ALDOA: variants seen among roughly 807,000 people sequenced by gnomAD.
The protein encoded by ALDOA is aldolase, fructose-bisphosphate A, also known as fructose-bisphosphate aldolase A.
Under a neutral mutation model 43.9 loss-of-function variants are expected in ALDOA, and 26 were observed. The observed-to-expected ratio is 0.59, with a 90% confidence interval of 0.43 to 0.82. The LOEUF is 0.82. ALDOA is among the 40% of genes least tolerant of loss of function. The pLI, the probability that ALDOA is intolerant of heterozygous loss-of-function variation, is 0.00. For synonymous variants in ALDOA, 258 were observed against 222.6 expected, an observed-to-expected ratio of 1.16 and a Z score of -1.42; for missense variants, 498 against 549.5, an observed-to-expected ratio of 0.91 and a Z score of 0.94.
At chr16:30,067,928 A>G in intron 4 of ALDOA, 1 of 532,986 alleles carries the variant, frequency 1.9e-6, no homozygotes, top group South Asian at 2.1e-5. Flanking sequence ...CTGACACCCA[A>G]TTCACTCAAC....
At chr16:30,069,220 T>TA (rs1403080190) in intron 6 of ALDOA, 86 bp from the exon 7 acceptor site, 52 of 1,482,724 alleles carry the variant, frequency 3.5e-5, no homozygotes, top group Non-Finnish European at 4.0e-5. Context: ...ATCATCAAGA[T>TA]ACGGTCTTGA....
Position 30,067,372 on chromosome 16 carries a change from G to A in ALDOA, c.274+6G>A, listed in dbSNP as rs2072153151. The stretch of plus-strand genomic sequence containing the variant: ...GGCTGCAGATGAGTCCACTGGTGCG[G>A]GCAGGAGACAGAATGGGTGGAGGGT... On this transcript the variant is annotated splice_donor_region_variant and intron_variant, in intron 3 of 9. Transcript: ENST00000642816. The A allele has an allele frequency of 6.2e-7, 1 of 1,614,072 alleles. No individual in the cohort carries two copies. The highest frequency in any genetic ancestry group is 8.5e-7 in the Non-Finnish European group (1 of 1,180,032).
chr16:30,068,477 G>A lies in ALDOA; in HGVS notation c.487-169G>A, dbSNP rs571695427. 8 of 741,976 alleles carry A rather than the reference G, an allele frequency of 1.1e-5. No homozygotes were observed. In the East Asian group the frequency reaches 1.9e-4, roughly 18 times the overall value. 46.0% of individuals were successfully genotyped at this position (741,976 alleles called of 1,614,324 possible). On this transcript the variant is annotated intron_variant, in intron 4 of 9. Coordinates refer to ENST00000642816, the MANE Select transcript of ALDOA (RefSeq NM_001243177.4). Reference sequence around the variant, plus strand: ...GACTGGGGCTAAAGAAGAGGAAAGAGGGGCACGCCCAGCTACCTAGGAGGC... The same window carrying A: ...GACTGGGGCTAAAGAAGAGGAAAGAAGGGCACGCCCAGCTACCTAGGAGGC...
intron 6 of ALDOA, 118 bp from the exon 7 acceptor site, chr16:30,069,188 C>A: frequency 7.3e-7 from 1 of 1,370,462 alleles, no homozygotes; most frequent in Non-Finnish European, 1.0e-6. Context: ...AATCTGAGGG[C>A]TTTGAAGCCT....
rs1475655371 is a variant in ALDOA at position 30,068,914 on chromosome 16, C to T, written c.638C>T (p.Pro213Leu). Residue 213 changes from proline to leucine, a missense_variant, in exon 6 of 10, where the codon CCC becomes CTC. Coordinates refer to ENST00000642816, the MANE Select transcript of ALDOA (RefSeq NM_001243177.4). ...RCVLKIGEHT[P>L]SALAIMENAN... ...GTGCTGAAGATTGGGGAACACACCC[C>T]CTCAGCCCTCGCCATCATGGAAAAT... 3.7e-6 allele frequency: 6 copies of T among 1,614,246 alleles called. No individual in the cohort carries two copies. The highest frequency in any genetic ancestry group is 5.1e-6 in the Non-Finnish European group (6 of 1,180,044).
At chr16:30,069,184 A>C in intron 6 of ALDOA, 122 bp from the exon 7 acceptor site, 1 of 1,358,856 alleles carries the variant, frequency 7.4e-7, no homozygotes, top group Non-Finnish European at 1.0e-6. Flanking sequence ...CTGTAATCTG[A>C]GGGCTTTGAA....
chr16:30,067,013 C>G lies in ALDOA; in HGVS notation c.116C>G (p.Thr39Ser). ...SGQLHPQLGN[T>S]QHQTELGKEL... ...CAACTCCACCCTCAGCTGGGCAACA[C>G]CCAGCACCAGACAGAGTTAGGAAAG... Residue 39 changes from threonine to serine, a missense_variant, in exon 2 of 10, where the codon ACC (threonine) becomes AGC (serine). By Grantham distance (58) the Thr-to-Ser change is moderately conservative (BLOSUM62 1). Transcript: ENST00000642816. The G allele has an allele frequency of 6.4e-7, 1 of 1,572,346 alleles. No individual in the cohort carries two copies. Among genetic ancestry groups the G allele is most frequent in the Non-Finnish European group, 8.6e-7 (1 of 1,159,804 alleles).
chr16:30,065,808 C>T lies in ALDOA; in HGVS notation c.-133C>T, dbSNP rs555731850. On this transcript the variant is annotated 5_prime_UTR_variant, in exon 1 of 10. Coordinates refer to ENST00000642816, the MANE Select transcript of ALDOA (RefSeq NM_001243177.4). ...CCGAGGCTAAATCGGCTGCGTTCCT[C>T]TCGGAACGCGCCGCAGAAGGGGTCC... The T allele has an allele frequency of 3.3e-5, 5 of 152,910 alleles. No homozygotes were observed. Among genetic ancestry groups the T allele is most frequent in the East Asian group, 3.9e-4 (2 of 5,170 alleles). The allele number at this position is 152,910 out of a possible 1,614,324, so 9.5% of individuals were successfully genotyped here.
chr16:30,068,587 TGGAAAGG>T, intron 4 of ALDOA, 52 bp from the exon 5 acceptor site: 1 of 1,583,554 alleles, frequency 6.3e-7, no homozygotes, highest in South Asian at 1.1e-5. Context: ...GGGGCGACAG[TGGAAAGG>T]GTGCTAGAGG....
At position 30,069,823 on chromosome 16, in the gene ALDOA, T is replaced by G. The variant is rs768071615; in HGVS notation, c.962-7T>G. ...ACAGCCCCTCTCGCCTCACCCCTGC[T>G]CTACAGGGATCACCTTCCTGTCTGG... On this transcript the variant is annotated splice_region_variant and splice_polypyrimidine_tract_variant and intron_variant, in intron 8 of 9. Transcript: ENST00000642816. 2 of 1,614,002 alleles carry G rather than the reference T, an allele frequency of 1.2e-6. No individual in the cohort carries two copies. The highest frequency in any genetic ancestry group is 1.7e-6 in the Non-Finnish European group (2 of 1,179,952).
upstream of ALDOA, chr16:30,064,284 A>G (rs2072030981): frequency 5.0e-6 from 2 of 397,894 alleles, no homozygotes; most frequent in Non-Finnish European, 8.8e-6. Flanking sequence ...TCCTTCTTAA[A>G]AAAAACCAGG....
At position 30,069,900 on chromosome 16, in the gene ALDOA, C is replaced by T. The variant is rs767840312; in HGVS notation, c.1032C>T (p.Cys344=). ...TCAACCTCAATGCCATTAACAAGTGCCCCCTGCTGAAGCCCTGGGCCCTGA... is the reference window on the plus strand; with the variant it reads ...TCAACCTCAATGCCATTAACAAGTGTCCCCTGCTGAAGCCCTGGGCCCTGA... ...ASINLNAINK[C]PLLKPWALTF... Residue 344 remains cysteine (C), a synonymous_variant, in exon 9 of 10, where the codon TGC becomes TGT. Transcript: ENST00000642816. The T allele has an allele frequency of 6.8e-6, 11 of 1,614,048 alleles. No individual in the cohort carries two copies. In the South Asian group the frequency reaches 8.8e-5, roughly 13 times the overall value.
intron 1 of ALDOA, chr16:30,066,257 C>T (rs1219128991): frequency 6.6e-6 from 1 of 152,394 alleles, no homozygotes; most frequent in African/African-American, 2.4e-5. Flanking sequence ...GGGGGCCGGC[C>T]CATGTACAGC....
chr16:30,065,517 G>A (rs2072066548), upstream of ALDOA, among the ~76,000 whole-genome samples: 2 of 152,316 alleles, frequency 1.3e-5, no homozygotes, highest in Non-Finnish European at 2.9e-5. Flanking sequence ...TGGGGGAAAG[G>A]AGCAGAAGGG....
In ALDOA at chr16:30,067,507, G is replaced by A. The variant is rs774739740; in HGVS notation, c.332G>A (p.Arg111His). ...ACCGAGAACACCGAGGAGAACCGGC[G>A]CTTCTACCGCCAGCTGCTGCTGACA... ...IGTENTEENRRFYRQLLLTAD... is the reference protein window; with the variant it reads ...IGTENTEENRHFYRQLLLTAD... The change falls in exon 4 of 10, where the codon CGC (arginine) becomes CAC (histidine). Residue 111 changes from arginine to histidine, a missense_variant. Coordinates refer to ENST00000642816, the MANE Select transcript of ALDOA (RefSeq NM_001243177.4). The A allele has an allele frequency of 3.7e-6, 6 of 1,613,586 alleles. No homozygotes were observed. Among genetic ancestry groups the A allele is most frequent in the East Asian group, 2.2e-5 (1 of 44,892 alleles).
intron 6 of ALDOA, 77 bp downstream of exon 6, chr16:30,069,055 A>G (rs1340169814): frequency 1.9e-6 from 3 of 1,597,456 alleles, no homozygotes; most frequent in Non-Finnish European, 2.6e-6. Context: ...ATTACCTGCC[A>G]TGATGCCTAC....
At chr16:30,069,279 A>G (rs1254143122) in intron 6 of ALDOA, 27 bp from the exon 7 acceptor site, 1 of 1,613,330 alleles carries the variant, frequency 6.2e-7, no homozygotes, top group Non-Finnish European at 8.5e-7. Context: ...AGGAGGCCTC[A>G]CAGTGACCCT....
At chr16:30,066,489 AG>A in intron 1 of ALDOA, among the ~76,000 whole-genome samples, 1 of 152,382 alleles carries the variant, frequency 6.6e-6, no homozygotes, top group Admixed American at 6.5e-5. Flanking sequence ...CTTGCCCCGT[AG>A]GAACAGTGAC....
chr16:30,069,129 G>A (rs2072224848), intron 6 of ALDOA, 151 bp downstream of exon 6: 3 of 1,369,882 alleles, frequency 2.2e-6, no homozygotes, highest in Non-Finnish European at 3.1e-6. Context: ...GAAGGCAGAG[G>A]GGCCAAGGAG....
Sources: allele counts gnomAD v4.1 joint callset (sites outside exome capture counted in the v4.1 genomes callset), GRCh38; gene constraint gnomAD v4.1.1; transcripts MANE v1.5; gene names NCBI Gene and HGNC (gene_info 2026-07-23, HGNC 2026-07-21).